UGT1A3: variants seen among roughly 807,000 people sequenced by gnomAD.
UGT1A3 encodes UDP glucuronosyltransferase family 1 member A3, also known as UDP-glucuronosyltransferase 1A3.
In UGT1A3, 31 loss-of-function variants were observed where a neutral mutation model predicts 41.0. The ratio of observed to expected loss-of-function variants is 0.76; its 90% CI spans 0.57 to 1.02. The LOEUF (loss-of-function observed/expected upper bound fraction) is 1.02, where lower values mean the gene tolerates loss of function less well. Among genes scored for constraint, UGT1A3 ranks in the 50% least tolerant of loss-of-function variants. UGT1A3 has a pLI of 0.00. For missense variants in UGT1A3, 737 were observed against 671.0 expected (o/e 1.10, Z -1.09); for synonymous variants, 262 against 257.6 (o/e 1.02, Z -0.17).
intron 1 of UGT1A3, among the ~76,000 whole-genome samples, chr2:233,732,830 G>GT (rs1465504396): frequency 3.4e-5 from 5 of 148,534 alleles, no homozygotes; most frequent in African/African-American, 1.0e-4. Context: ...CTTTAAAGTA[G>GT]TTTTTTCCAA....
chr2:233,768,219 G>T lies in UGT1A3; in HGVS notation c.1088-1G>T. 1 of 1,614,092 alleles carries T rather than the reference G, an allele frequency of 6.2e-7. No individual in the cohort carries two copies. The highest frequency in any genetic ancestry group is 8.5e-7 in the Non-Finnish European group (1 of 1,180,022). On this transcript the variant is annotated splice_acceptor_variant, in intron 3 of 4. Transcript: ENST00000482026. LOFTEE classifies it high-confidence loss of function. Reference sequence around the variant, plus strand: ...GACATCCTCCCTATTTTGCATCTCAGGTCACCCGATGACCCGTGCCTTTAT... The same window carrying T: ...GACATCCTCCCTATTTTGCATCTCATGTCACCCGATGACCCGTGCCTTTAT...
chr2:233,736,085 G>C (rs1296774053), intron 1 of UGT1A3, among the ~76,000 whole-genome samples: 1 of 152,146 alleles, frequency 6.6e-6, no homozygotes, highest in African/African-American at 2.4e-5. Flanking sequence ...AGTTCTCCTG[G>C]ATAATATCCT....
intron 1 of UGT1A3, among the ~76,000 whole-genome samples, chr2:233,735,057 C>A (rs1430672120): frequency 1.3e-5 from 2 of 152,160 alleles, no homozygotes; most frequent in African/African-American, 4.8e-5. Flanking sequence ...GAGTTCAGGT[C>A]CTGGATATCC....
intron 1 of UGT1A3, among the ~76,000 whole-genome samples, chr2:233,732,351 ATGAAGTCC>A: frequency 6.6e-6 from 1 of 152,222 alleles, no homozygotes; most frequent in Non-Finnish European, 1.5e-5. Flanking sequence ...TGTTTTAGTC[ATGAAGTCC>A]TGGCCCATGC....
In UGT1A3 at chr2:233,742,646, C is replaced by T. The variant is rs1203522527; in HGVS notation, c.867+12653C>T. 5.3e-5 allele frequency: 8 copies of T among 152,164 alleles called. 1 individual carries two copies. The highest frequency in any genetic ancestry group is 1.2e-4 in the African/African-American group (5 of 41,160). The allele number at this position is 152,164 out of a possible 1,614,324, so 9.4% of individuals were successfully genotyped here. A position where few individuals can be genotyped will look rare whatever the true frequency, so the allele number is the denominator to read the frequency against. On this transcript the variant is annotated intron_variant, in intron 1 of 4. Transcript: ENST00000482026. Reference sequence around the variant, plus strand: ...GCTGAAGACAGTCCTAGTATACCACCGACCAACCATGTAACCCCAAGGTTT... The same window carrying T: ...GCTGAAGACAGTCCTAGTATACCACTGACCAACCATGTAACCCCAAGGTTT...
intron 1 of UGT1A3, chr2:233,742,993 T>G: frequency 4.3e-6 from 1 of 231,186 alleles, no homozygotes; most frequent in Admixed American, 5.2e-5. Flanking sequence ...AATAGCAAAT[T>G]GCATACAGAT....
chr2:233,767,983 AG>A (rs1699537799), intron 3 of UGT1A3, 47 bp downstream of exon 3: 1 of 1,614,082 alleles, frequency 6.2e-7, no homozygotes, highest in African/African-American at 1.3e-5. Context: ...GGTCAAATTA[AG>A]AAAATGGCTT....
chr2:233,730,056 T>A, intron 1 of UGT1A3, 63 bp downstream of exon 1: 2 of 1,611,732 alleles, frequency 1.2e-6, no homozygotes, highest in Non-Finnish European at 8.5e-7. Context: ...AAAAATGTAT[T>A]TATTTAAAAT....
intron 1 of UGT1A3, among the ~76,000 whole-genome samples, chr2:233,732,619 T>A (rs2078290035): frequency 6.6e-6 from 1 of 152,210 alleles, no homozygotes; most frequent in African/African-American, 2.4e-5. Flanking sequence ...TGGTTGTAGA[T>A]GTGTGGTGTT....
At chr2:233,737,057 G>A (rs1365217094) in intron 1 of UGT1A3, among the ~76,000 whole-genome samples, 2 of 152,190 alleles carry the variant, frequency 1.3e-5, no homozygotes, top group African/African-American at 2.4e-5. Context: ...CTAGGAGAAC[G>A]AGTGCTCTCT....
At chr2:233,748,424 C>G (rs1693941657) in intron 1 of UGT1A3, among the ~76,000 whole-genome samples, 1 of 151,772 alleles carries the variant, frequency 6.6e-6, no homozygotes, top group Non-Finnish European at 1.5e-5. Flanking sequence ...CTTGACCCAT[C>G]TGGATTTTTT....
At chr2:233,765,965 G>A (rs926314619) in intron 1 of UGT1A3, among the ~76,000 whole-genome samples, 1 of 152,142 alleles carries the variant, frequency 6.6e-6, no homozygotes, top group Admixed American at 6.5e-5. Flanking sequence ...AGTGTCTAGA[G>A]GTGGATGTTT....
At chr2:233,759,555 T>TC (rs1410199038) in intron 1 of UGT1A3, among the ~76,000 whole-genome samples, 12 of 152,242 alleles carry the variant, frequency 7.9e-5, no homozygotes, top group Middle Eastern at 6.8e-3. Context: ...CCAGTGAATT[T>TC]CCCTTTCTGG....
chr2:233,762,970 T>A (rs916138811), intron 1 of UGT1A3, among the ~76,000 whole-genome samples: 1 of 152,240 alleles, frequency 6.6e-6, no homozygotes, highest in South Asian at 2.1e-4. Context: ...GATGCCCGTC[T>A]TGCTGCTATT....
At position 233,743,108 on chromosome 2, in the gene UGT1A3, C is replaced by G. The variant is rs1240722532; in HGVS notation, c.867+13115C>G. ...TTATAAATTCTTGGGTACAGCTGTT[C>G]TGAAAGTAAAGTTCACTTTCAATCC... On this transcript the variant is annotated intron_variant, in intron 1 of 4. Transcript: ENST00000482026. The G allele has an allele frequency of 4.8e-5, 17 of 354,252 alleles. No homozygotes were observed. The East Asian group carries it at 6.6e-4, about 14-fold the overall frequency. The allele number at this position is 354,252 out of a possible 1,614,324, so 21.9% of individuals were successfully genotyped here.
intron 1 of UGT1A3, among the ~76,000 whole-genome samples, chr2:233,731,166 GA>G (rs1244756545): frequency 7.9e-5 from 12 of 151,866 alleles, no homozygotes; most frequent in Admixed American, 3.3e-4. Flanking sequence ...CAAACGACAT[GA>G]TTTTTTTATG....
chr2:233,745,132 TG>T (rs1669104156), intron 1 of UGT1A3, among the ~76,000 whole-genome samples: 1 of 151,914 alleles, frequency 6.6e-6, no homozygotes, highest in Admixed American at 6.5e-5. Context: ...TCTGCAGATG[TG>T]AAGCCCAAGT....
intron 1 of UGT1A3, among the ~76,000 whole-genome samples, chr2:233,745,501 T>A (rs1359317730): frequency 1.3e-5 from 2 of 151,666 alleles, no homozygotes; most frequent in Non-Finnish European, 2.9e-5. Flanking sequence ...TAAGATTTCC[T>A]ATAGGGTATT....
rs6742078 is a variant in UGT1A3, at chr2:233,763,993, G to T, written c.868-3041G>T. ...TGTGGGTTACTGGGAATGCGTGATG[G>T]TGAAGTCACAGATGACCCACATGGT... On this transcript the variant is annotated intron_variant, in intron 1 of 4. Transcript: ENST00000482026. 0.36 allele frequency among the ~76,000 whole-genome samples: 54,149 copies of T among 152,126 alleles called. 9,972 individuals carry two copies. Among genetic ancestry groups the T allele is most frequent in the African/African-American group, 0.43 (17,876 of 41,508 alleles).
Sources: gnomAD v4.1 joint callset for allele counts (sites outside exome capture counted in the v4.1 genomes callset) on GRCh38, gnomAD v4.1.1 for gene constraint, MANE v1.5 for transcripts, NCBI Gene and HGNC (gene_info 2026-07-23, HGNC 2026-07-21) for gene names.